Variants in KCNT1 observed in about 807,000 individuals in gnomAD.
KCNT1 encodes potassium channel subfamily T member 1.
In KCNT1, 78 loss-of-function variants were observed where a neutral mutation model predicts 147.8. The observed-to-expected ratio is 0.53, with a 90% CI of 0.44 to 0.64. The LOEUF (loss-of-function observed/expected upper bound fraction) is 0.64. Ranked by LOEUF, KCNT1 falls within the 30% of genes least tolerant of loss-of-function variation. The pLI is 0.00. For synonymous variants in KCNT1, 867 were observed against 748.8 expected, an observed-to-expected ratio of 1.16 and a Z score of -2.58; for missense variants, 1,419 against 1,750.3, an observed-to-expected ratio of 0.81 and a Z score of 3.38.
At chr9:135,719,890 C>T (rs929658622) in intron 2 of KCNT1, among the ~76,000 whole-genome samples, 42 of 152,326 alleles carry the variant, frequency 2.8e-4, no homozygotes, top group South Asian at 2.1e-4. Flanking sequence ...TGCCCCAGAG[C>T]GGCCTGACCA....
chr9:135,766,120 C>T (rs1161154638), intron 13 of KCNT1, among the ~76,000 whole-genome samples: 1 of 149,346 alleles, frequency 6.7e-6, no homozygotes, highest in Admixed American at 6.6e-5. Context: ...TCAGGGTAGA[C>T]CTTCTGGGAT....
At chr9:135,725,629 C>T (rs1021340210) in intron 2 of KCNT1, among the ~76,000 whole-genome samples, 18 of 152,180 alleles carry the variant, frequency 1.2e-4, no homozygotes, top group African/African-American at 3.9e-4. Context: ...AGCCCCAGGA[C>T]ACCCATGCAC....
chr9:135,718,297 T>C (rs1358779473), intron 2 of KCNT1, among the ~76,000 whole-genome samples: 1 of 152,166 alleles, frequency 6.6e-6, no homozygotes, highest in African/African-American at 2.4e-5. Flanking sequence ...AGGACGTGCT[T>C]ATCTGAATGC....
chr9:135,757,420 G>A (rs767478952), intron 9 of KCNT1, 39 bp downstream of exon 9: 5 of 1,556,368 alleles, frequency 3.2e-6, no homozygotes, highest in Non-Finnish European at 4.4e-6. Flanking sequence ...ACTTGGGGGG[G>A]CCACCCTCAG....
intron 1 of KCNT1, among the ~76,000 whole-genome samples, chr9:135,709,691 T>C (rs184070315): frequency 2.0e-5 from 3 of 152,352 alleles, no homozygotes; most frequent in South Asian, 4.1e-4. Flanking sequence ...TGAGTCGTTT[T>C]CTTTTTTGAG....
At chr9:135,769,142 CATGTGCACACGTGGGTGACG>C in intron 15 of KCNT1, among the ~76,000 whole-genome samples, 1 of 75,880 alleles carries the variant, frequency 1.3e-5, no homozygotes, top group Non-Finnish European at 3.0e-5. Context: ...GGGCAGGGCG[CATGTGCACACGTGGGTGACG>C]GTGCGTCTGG....
chr9:135,777,767 C>T (rs1308764933), intron 21 of KCNT1, among the ~76,000 whole-genome samples: 3 of 151,246 alleles, frequency 2.0e-5, no homozygotes, highest in African/African-American at 7.3e-5. Context: ...CTGGGTCCTC[C>T]CTGCTCCCTG....
chr9:135,787,996 C>CAGCT, intron 29 of KCNT1: 1 of 825,096 alleles, frequency 1.2e-6, no homozygotes, highest in East Asian at 2.5e-5. Context: ...GCCTCCCGTG[C>CAGCT]AGCTGCCCCT....
chr9:135,768,510 C>T, intron 13 of KCNT1, 100 bp from the exon 14 acceptor site: 1 of 818,236 alleles, frequency 1.2e-6, no homozygotes, highest in South Asian at 1.7e-5. Context: ...GCTGCACCAG[C>T]CTCCTCCCAG....
rs1831784875 is a variant in KCNT1 at position 135,759,790 on chromosome 9, C to T, written c.966C>T (p.Pro322=). 4 of 1,613,548 alleles carry T rather than the reference C, an allele frequency of 2.5e-6. No individual in the cohort carries two copies. In the East Asian group the frequency reaches 8.9e-5, roughly 36 times the overall value. The change falls in exon 11 of 31, where the codon CCC becomes CCT. Residue 322 remains proline (P), a synonymous_variant. Coordinates refer to ENST00000371757, the MANE Select transcript of KCNT1 (RefSeq NM_020822.3). ...CCGTGGGCTACGGTGACGTCACGCC[C>T]AAGATCTGGCCATCGCAGCTGCTGG... ...FSTVGYGDVT[P]KIWPSQLLVV...
At chr9:135,774,026 G>A (rs1588370740) in intron 19 of KCNT1, among the ~76,000 whole-genome samples, 1 of 149,368 alleles carries the variant, frequency 6.7e-6, no homozygotes, top group South Asian at 2.1e-4. Context: ...TGCAAGGGGG[G>A]TGTGTCCGGT....
At position 135,791,752 on chromosome 9, in the gene KCNT1, G is replaced by T; in HGVS notation, c.3503-45G>T. 1.9e-6 allele frequency: 3 copies of T among 1,553,422 alleles called. No individual in the cohort carries two copies. The South Asian group carries it at 3.3e-5, about 17-fold the overall frequency. On this transcript the variant is annotated intron_variant, in intron 29 of 30. Transcript: ENST00000371757. The stretch of plus-strand genomic sequence containing the variant: ...TCTGGGCCCCTGCAGAGCTGGGAGG[G>T]GCAGGGCTGGGGGGGTGACGTCTGC...
At chr9:135,719,327 G>A (rs1274580695) in intron 2 of KCNT1, among the ~76,000 whole-genome samples, 2 of 152,344 alleles carry the variant, frequency 1.3e-5, no homozygotes, top group East Asian at 1.9e-4. Flanking sequence ...GGGTCCTGAC[G>A]GTGTCCCCGA....
rs1834608104 is a variant in KCNT1 at position 135,792,415 on chromosome 9, A to T, written c.*254A>T. 1 of 376,676 alleles carries T rather than the reference A, an allele frequency of 2.7e-6. No individual in the cohort carries two copies. Among genetic ancestry groups the T allele is most frequent in the East Asian group, 5.9e-5 (1 of 16,912 alleles). The allele number at this position is 376,676 out of a possible 1,614,324, so 23.3% of individuals were successfully genotyped here. A position where few individuals can be genotyped will look rare whatever the true frequency, so the allele number is the denominator to read the frequency against. On this transcript the variant is annotated 3_prime_UTR_variant, in exon 31 of 31. Coordinates refer to ENST00000371757, the MANE Select transcript of KCNT1 (RefSeq NM_020822.3). The stretch of plus-strand genomic sequence containing the variant: ...GTCGATGCAGTCCACTTCTCTTTAC[A>T]CAGATGTACCGCAACTCGTGACCAG...
chr9:135,770,699 G>A (rs1350389135), intron 17 of KCNT1, among the ~76,000 whole-genome samples, 158 bp from the exon 18 acceptor site: 1 of 152,230 alleles, frequency 6.6e-6, no homozygotes, highest in Non-Finnish European at 1.5e-5. Flanking sequence ...ACACCTCTGG[G>A]ACGGGAGGGC....
intron 2 of KCNT1, among the ~76,000 whole-genome samples, chr9:135,747,328 G>A (rs972967991): frequency 6.6e-6 from 1 of 151,930 alleles, no homozygotes; most frequent in Non-Finnish European, 1.5e-5. Flanking sequence ...GCCATGGAGG[G>A]CGGGACAGTG....
intron 25 of KCNT1, 63 bp from the exon 26 acceptor site, chr9:135,784,472 C>T: frequency 8.9e-7 from 1 of 1,128,918 alleles, no homozygotes; most frequent in Non-Finnish European, 1.3e-6. Flanking sequence ...TGCCCGCGTG[C>T]CTCACTGTGG....
At chr9:135,719,347 C>T (rs903052622) in intron 2 of KCNT1, among the ~76,000 whole-genome samples, 5 of 152,198 alleles carry the variant, frequency 3.3e-5, no homozygotes, top group Admixed American at 3.3e-4. Flanking sequence ...AGCTGGGTCC[C>T]AGGCACCTTG....
chr9:135,795,329 A>G lies in KCNT1; in HGVS notation c.*3168A>G. ...CGTGGTGGCATGTGCATACAGTCCCAGGTACCCAAGAGGCTGAGGAAGGAG... is the reference window on the plus strand; with the variant it reads ...CGTGGTGGCATGTGCATACAGTCCCGGGTACCCAAGAGGCTGAGGAAGGAG... On this transcript the variant is annotated 3_prime_UTR_variant, in exon 31 of 31. Transcript: ENST00000371757. The G allele has an allele frequency of 6.6e-6, 1 of 152,008 alleles. No homozygotes were observed. The highest frequency in any genetic ancestry group is 1.5e-5 in the Non-Finnish European group (1 of 67,996). 9.4% of individuals were successfully genotyped at this position (152,008 alleles called of 1,614,324 possible).
Sources: gnomAD v4.1 joint callset for allele counts (sites outside exome capture counted in the v4.1 genomes callset) on GRCh38, gnomAD v4.1.1 for gene constraint, MANE v1.5 for transcripts, NCBI Gene and HGNC (gene_info 2026-07-23, HGNC 2026-07-21) for gene names.